Variants in OXR1 observed in about 807,000 individuals in gnomAD.
OXR1 encodes oxidation resistance protein 1.
In OXR1, 41 loss-of-function variants were observed where a neutral mutation model predicts 104.6. That is an observed-to-expected ratio of 0.39 (90% confidence interval 0.31 to 0.51). OXR1 has a LOEUF of 0.51. Ranked by LOEUF, OXR1 falls within the 20% of genes least tolerant of loss-of-function variation. OXR1 has a pLI of 0.77. For synonymous variants in OXR1, 348 were observed against 348.4 expected (o/e 1.00, Z 0.01); for missense variants, 955 against 1,031.9 (o/e 0.93, Z 1.02).
intron 2 of OXR1, among the ~76,000 whole-genome samples, chr8:106,497,710 T>C (rs778848421): frequency 5.3e-5 from 8 of 152,154 alleles, no homozygotes; most frequent in Non-Finnish European, 1.2e-4. Flanking sequence ...TTCAGTTGCA[T>C]TGTAATGTGT....
intron 2 of OXR1, among the ~76,000 whole-genome samples, chr8:106,421,470 C>T (rs1487415092): frequency 6.6e-6 from 1 of 152,122 alleles, no homozygotes; most frequent in Admixed American, 6.6e-5. Flanking sequence ...CTGTGGTTAG[C>T]TGCAGGGTGG....
intron 3 of OXR1, among the ~76,000 whole-genome samples, chr8:106,641,065 C>T (rs958703643): frequency 3.3e-5 from 5 of 152,194 alleles, no homozygotes; most frequent in African/African-American, 1.2e-4. Flanking sequence ...CAAATACATC[C>T]AATCATGCTA....
chr8:106,690,917 A>C (rs547778643), intron 6 of OXR1, among the ~76,000 whole-genome samples: 1 of 151,904 alleles, frequency 6.6e-6, no homozygotes, highest in Admixed American at 6.6e-5. Context: ...TGCCCTACCT[A>C]TGTGTTACTA....
At chr8:106,313,446 C>T (rs1813793279) in intron 1 of OXR1, among the ~76,000 whole-genome samples, 1 of 152,086 alleles carries the variant, frequency 6.6e-6, no homozygotes, top group Non-Finnish European at 1.5e-5. Flanking sequence ...CACTGTTTTC[C>T]ATGGTTGTTT....
chr8:106,708,243 A>G (rs554695147), intron 9 of OXR1, among the ~76,000 whole-genome samples: 5 of 152,140 alleles, frequency 3.3e-5, no homozygotes, highest in African/African-American at 1.2e-4. Context: ...AAAAATTACA[A>G]AAATTCGTCA....
chr8:106,378,610 A>G (rs933397091), intron 2 of OXR1, among the ~76,000 whole-genome samples: 1 of 152,162 alleles, frequency 6.6e-6, no homozygotes, highest in African/African-American at 2.4e-5. Context: ...CCCAGGTTCA[A>G]GTGATTTTCC....
chr8:106,331,711 G>A (rs1814719734), intron 1 of OXR1, among the ~76,000 whole-genome samples: 2 of 152,000 alleles, frequency 1.3e-5, no homozygotes, highest in South Asian at 4.2e-4. Flanking sequence ...AGGCCAACGT[G>A]GGCGGATCAT....
intron 2 of OXR1, among the ~76,000 whole-genome samples, chr8:106,469,776 T>C (rs1005466889): frequency 2.0e-5 from 3 of 151,834 alleles, no homozygotes; most frequent in African/African-American, 7.2e-5. Flanking sequence ...TCTTACGATA[T>C]GTTGGTAAAG....
At chr8:106,524,391 T>C (rs1813495830) in intron 3 of OXR1, among the ~76,000 whole-genome samples, 3 of 152,212 alleles carry the variant, frequency 2.0e-5, no homozygotes, top group African/African-American at 4.8e-5. Flanking sequence ...GTGATATTGA[T>C]TCCTCACTTC....
intron 2 of OXR1, among the ~76,000 whole-genome samples, chr8:106,495,289 A>G (rs1032571438): frequency 4.6e-5 from 7 of 152,146 alleles, no homozygotes; most frequent in African/African-American, 1.4e-4. Context: ...AAACTTACTG[A>G]AATCAGGTAA....
chr8:106,645,507 T>TAGACAC (rs1824002859), intron 3 of OXR1, among the ~76,000 whole-genome samples: 1 of 152,156 alleles, frequency 6.6e-6, no homozygotes, highest in Non-Finnish European at 1.5e-5. Context: ...TTGCTGTGTC[T>TAGACAC]ACTGTTCTCT....
At chr8:106,592,663 G>A (rs955215591) in intron 3 of OXR1, among the ~76,000 whole-genome samples, 9 of 152,060 alleles carry the variant, frequency 5.9e-5, no homozygotes, top group Non-Finnish European at 1.2e-4. Flanking sequence ...CAAGGTATAG[G>A]GAAAAACAAA....
intron 3 of OXR1, among the ~76,000 whole-genome samples, chr8:106,554,350 C>T (rs533346231): frequency 1.3e-3 from 203 of 152,134 alleles, no homozygotes; most frequent in African/African-American, 4.5e-3. Flanking sequence ...TGTTTTTTTC[C>T]GCAAGGGATT....
chr8:106,657,316 CA>C (rs1804354508), intron 3 of OXR1, among the ~76,000 whole-genome samples: 11 of 93,098 alleles, frequency 1.2e-4, no homozygotes, highest in Admixed American at 1.0e-3. Flanking sequence ...CGTCCTTAAA[CA>C]TAAAAAAAAA....
intron 11 of OXR1, among the ~76,000 whole-genome samples, chr8:106,721,010 T>C (rs2131458717): frequency 6.6e-6 from 1 of 152,256 alleles, no homozygotes; most frequent in African/African-American, 2.4e-5. Context: ...TCATTTATCA[T>C]GAGACATTAC....
At chr8:106,395,921 A>G (rs997608314) in intron 2 of OXR1, among the ~76,000 whole-genome samples, 1 of 152,086 alleles carries the variant, frequency 6.6e-6, no homozygotes, top group Admixed American at 6.6e-5. Flanking sequence ...TCAAAAAAAG[A>G]AAAGAATGGG....
intron 7 of OXR1, among the ~76,000 whole-genome samples, chr8:106,695,708 G>A (rs549608358): frequency 1.3e-5 from 2 of 152,120 alleles, no homozygotes; most frequent in South Asian, 2.1e-4. Context: ...GTGAGCTACC[G>A]CACCCGGCAC....
intron 3 of OXR1, among the ~76,000 whole-genome samples, chr8:106,608,130 T>G (rs905381192): frequency 6.6e-6 from 1 of 151,862 alleles, no homozygotes; most frequent in East Asian, 1.9e-4. Context: ...AAAAACATTA[T>G]TTTTTTTAAA....
chr8:106,555,523 T>C (rs2130448985), intron 3 of OXR1, among the ~76,000 whole-genome samples: 1 of 152,210 alleles, frequency 6.6e-6, no homozygotes, highest in East Asian at 1.9e-4. Flanking sequence ...ACACAGCTGG[T>C]AGTAGCAGGA....
Sources: gnomAD v4.1 joint callset for allele counts (sites outside exome capture counted in the v4.1 genomes callset) on GRCh38, gnomAD v4.1.1 for gene constraint, MANE v1.5 for transcripts, NCBI Gene and HGNC (gene_info 2026-07-23, HGNC 2026-07-21) for gene names.